Variants in FMN1 observed in about 807,000 individuals in gnomAD.
The protein encoded by FMN1 is formin 1, also known as formin-1.
Under a neutral mutation model 132.4 loss-of-function variants are expected in FMN1, and 110 were observed. The ratio of observed to expected loss-of-function variants is 0.83; its 90% CI spans 0.71 to 0.97. The LOEUF is 0.97. Among genes scored for constraint, FMN1 ranks in the 50% least tolerant of loss-of-function variants. The probability of loss-of-function intolerance (pLI) is 0.00; values close to 1 mark genes in which losing one functional copy is unlikely to be tolerated. For missense variants in FMN1, 1,792 were observed against 1,705.3 expected, an observed-to-expected ratio of 1.05 and a Z score of -0.90; for synonymous variants, 722 against 651.7, an observed-to-expected ratio of 1.11 and a Z score of -1.64.
At chr15:33,113,284 T>C (rs558313693) in intron 4 of FMN1, among the ~76,000 whole-genome samples, 5 of 152,164 alleles carry the variant, frequency 3.3e-5, no homozygotes, top group African/African-American at 1.2e-4. Context: ...AGTGAAGTAA[T>C]TAAACAGGAT....
chr15:32,820,861 GTTTATCA>G (rs1244225909), intron 17 of FMN1, among the ~76,000 whole-genome samples: 1 of 151,930 alleles, frequency 6.6e-6, no homozygotes, highest in African/African-American at 2.4e-5. Context: ...TGTTTACAAC[GTTTATCA>G]TTTTTAAATT....
chr15:33,089,658 T>C (rs957410963), intron 4 of FMN1, among the ~76,000 whole-genome samples: 5 of 152,246 alleles, frequency 3.3e-5, no homozygotes, highest in Admixed American at 1.3e-4. Flanking sequence ...ATTAGTGTTC[T>C]CATTTTAAAT....
chr15:33,127,358 T>TAACA (rs1160915), intron 4 of FMN1, among the ~76,000 whole-genome samples: 1 of 152,116 alleles, frequency 6.6e-6, no homozygotes, highest in Non-Finnish European at 1.5e-5. Context: ...CTAAATAACT[T>TAACA]GACTCTGTTC....
chr15:32,921,655 A>T (rs12148638), intron 10 of FMN1, among the ~76,000 whole-genome samples: 9,494 of 149,570 alleles, frequency 0.063, 422 homozygotes, highest in Middle Eastern at 0.15. Flanking sequence ...TACAATCTAT[A>T]TACTCCAGCT....
chr15:33,033,352 C>G (rs2036035981), intron 6 of FMN1, among the ~76,000 whole-genome samples: 1 of 152,120 alleles, frequency 6.6e-6, no homozygotes, highest in South Asian at 2.1e-4. Flanking sequence ...TAACTGATAA[C>G]TTTGCTTCCA....
At chr15:33,092,479 T>C (rs548138780) in intron 4 of FMN1, among the ~76,000 whole-genome samples, 1 of 152,284 alleles carries the variant, frequency 6.6e-6, no homozygotes, top group South Asian at 2.1e-4. Flanking sequence ...TGTGACAGTG[T>C]GCCAATTAAG....
intron 5 of FMN1, among the ~76,000 whole-genome samples, chr15:33,085,539 CAT>C (rs1346018899): frequency 6.7e-6 from 1 of 149,240 alleles, no homozygotes; most frequent in Non-Finnish European, 1.5e-5. Flanking sequence ...TGTATTTATA[CAT>C]ATATTAAAAT....
At chr15:33,147,472 G>A (rs1964273460) in intron 4 of FMN1, among the ~76,000 whole-genome samples, 1 of 152,178 alleles carries the variant, frequency 6.6e-6, no homozygotes, top group Non-Finnish European at 1.5e-5. Context: ...TATTTCGGAA[G>A]GCTGTGCATA....
intron 6 of FMN1, among the ~76,000 whole-genome samples, chr15:33,052,452 A>C (rs948286532): frequency 1.3e-5 from 2 of 152,218 alleles, no homozygotes; most frequent in Admixed American, 1.3e-4. Flanking sequence ...CACAAAAAGG[A>C]AAACAGTTAC....
intron 8 of FMN1, among the ~76,000 whole-genome samples, chr15:32,967,550 C>T (rs537236466): frequency 6.6e-6 from 1 of 152,284 alleles, no homozygotes; most frequent in African/African-American, 2.4e-5. Context: ...TAGTTAATGG[C>T]AGAAGCTATT....
intron 2 of FMN1, among the ~76,000 whole-genome samples, chr15:33,181,892 T>G (rs1965716964): frequency 6.6e-6 from 1 of 151,982 alleles, no homozygotes; most frequent in South Asian, 2.1e-4. Context: ...GTATTTTTAG[T>G]AGAGACAGGG....
chr15:32,919,248 C>A (rs2060760153), intron 10 of FMN1, among the ~76,000 whole-genome samples: 1 of 152,152 alleles, frequency 6.6e-6, no homozygotes, highest in East Asian at 1.9e-4. Flanking sequence ...AAGCCTCCTG[C>A]AGTGAAACCC....
At chr15:32,915,627 C>G (rs1236370251) in intron 10 of FMN1, among the ~76,000 whole-genome samples, 1 of 152,186 alleles carries the variant, frequency 6.6e-6, no homozygotes, top group African/African-American at 2.4e-5. Flanking sequence ...AGCCTCAAAG[C>G]TCTGATACAG....
intron 15 of FMN1, among the ~76,000 whole-genome samples, chr15:32,898,226 A>G (rs1398300458): frequency 2.0e-5 from 3 of 152,240 alleles, no homozygotes; most frequent in Non-Finnish European, 4.4e-5. Flanking sequence ...TTTACTATTC[A>G]TATCGATTGC....
intron 6 of FMN1, among the ~76,000 whole-genome samples, chr15:33,040,372 C>G (rs910386093): frequency 3.9e-5 from 6 of 152,178 alleles, no homozygotes; most frequent in Non-Finnish European, 1.5e-5. Context: ...TTCCACCTCT[C>G]CCAACCCTAC....
At chr15:32,836,907 G>C in intron 17 of FMN1, 1 of 169,538 alleles carries the variant, frequency 5.9e-6, no homozygotes, top group South Asian at 1.9e-4. Flanking sequence ...GATCTCAGTG[G>C]GTAACATTCC....
At chr15:32,789,887 A>G (rs183733369) in intron 19 of FMN1, among the ~76,000 whole-genome samples, 30 of 152,350 alleles carry the variant, frequency 2.0e-4, no homozygotes, top group Non-Finnish European at 3.5e-4. Context: ...CCTGCCGTAC[A>G]GGTTTGCAGC....
chr15:32,925,276 TAATA>T (rs1352725127), intron 10 of FMN1, among the ~76,000 whole-genome samples: 1 of 152,202 alleles, frequency 6.6e-6, no homozygotes, highest in Non-Finnish European at 1.5e-5. Context: ...TCTATTGAAA[TAATA>T]AATCCAGGCA....
chr15:33,111,162 A>G (rs1238081822), intron 4 of FMN1, among the ~76,000 whole-genome samples: 2 of 152,176 alleles, frequency 1.3e-5, no homozygotes, highest in Non-Finnish European at 2.9e-5. Flanking sequence ...CATGCCCTCT[A>G]TAAATCACAC....
Sources: gnomAD v4.1 joint callset for allele counts (sites outside exome capture counted in the v4.1 genomes callset) on GRCh38, gnomAD v4.1.1 for gene constraint, MANE v1.5 for transcripts, NCBI Gene and HGNC (gene_info 2026-07-23, HGNC 2026-07-21) for gene names.